The following AUTS2 variants were observed in gnomAD, a reference collection of about 807,000 sequenced individuals.
AUTS2 encodes the protein activator of transcription and developmental regulator AUTS2.
In AUTS2, 17 loss-of-function variants were observed where a neutral mutation model predicts 112.4. The ratio of observed to expected loss-of-function variants is 0.15; its 90% confidence interval spans 0.10 to 0.23. AUTS2 has a LOEUF of 0.23. Among genes scored for constraint, AUTS2 ranks in the 10% least tolerant of loss-of-function variants. AUTS2 has a pLI of 1.00. For synonymous variants in AUTS2, 751 were observed against 702.7 expected, an observed-to-expected ratio of 1.07 and a Z score of -1.09; for missense variants, 1,510 against 1,701.6, an observed-to-expected ratio of 0.89 and a Z score of 1.98.
In AUTS2 at chr7:69,807,660, C is replaced by T. The variant is rs543575239; in HGVS notation, c.310-91626C>T. Among the ~76,000 whole-genome samples, 71 of 152,228 alleles carry T rather than the reference C, an allele frequency of 4.7e-4. No individual in the cohort carries two copies. The Middle Eastern group carries it at 0.02, about 44-fold the overall frequency. On this transcript the variant is annotated intron_variant, in intron 1 of 18. Transcript: ENST00000342771. The stretch of plus-strand genomic sequence containing the variant: ...ATGTTTAGTTTCCTGGACCTGCAGC[C>T]GAAATGTTATCTGGGGCCACTGTCA...
At chr7:70,528,105 T>TTATTTTTTTTTTTTTTA (rs57847664) in intron 5 of AUTS2, among the ~76,000 whole-genome samples, 1 of 112,760 alleles carries the variant, frequency 8.9e-6, no homozygotes, top group Non-Finnish European at 2.0e-5. Flanking sequence ...TTTTTTTTTT[T>TTATTTTTTTTTTTTTTA]TTTTTTTTTT....
At chr7:69,650,626 C>T (rs1013924689) in intron 1 of AUTS2, among the ~76,000 whole-genome samples, 6 of 152,170 alleles carry the variant, frequency 3.9e-5, no homozygotes, top group Non-Finnish European at 8.8e-5. Flanking sequence ...TTAGGAATTT[C>T]GAGACAGTGA....
At chr7:70,603,922 T>A (rs193270121) in intron 5 of AUTS2, among the ~76,000 whole-genome samples, 1 of 107,164 alleles carries the variant, frequency 9.3e-6, no homozygotes, top group Non-Finnish European at 2.1e-5. Context: ...TTTCTGCCAC[T>A]CAAAAAATCA....
intron 3 of AUTS2, among the ~76,000 whole-genome samples, chr7:70,127,282 T>G (rs1312928328): frequency 6.6e-6 from 1 of 151,544 alleles, no homozygotes; most frequent in Non-Finnish European, 1.5e-5. Context: ...TATACACAAG[T>G]GCTACCATGC....
intron 4 of AUTS2, among the ~76,000 whole-genome samples, chr7:70,313,654 G>A (rs1014886142): frequency 4.6e-5 from 7 of 152,288 alleles, no homozygotes; most frequent in Admixed American, 1.3e-4. Flanking sequence ...AGATGCTCTC[G>A]TTGCTGGTTA....
At chr7:69,886,952 A>AT (rs967294176) in intron 1 of AUTS2, among the ~76,000 whole-genome samples, 14 of 151,956 alleles carry the variant, frequency 9.2e-5, no homozygotes, top group African/African-American at 3.1e-4. Context: ...TTTAAAAAAT[A>AT]TTTTTCTGGA....
chr7:69,646,354 G>T (rs1795021561), intron 1 of AUTS2, among the ~76,000 whole-genome samples: 1 of 152,154 alleles, frequency 6.6e-6, no homozygotes, highest in South Asian at 2.1e-4. Flanking sequence ...AGAGTGTGAA[G>T]ATTTTAATGG....
chr7:70,556,666 G>T (rs546069727), intron 5 of AUTS2, among the ~76,000 whole-genome samples: 2 of 152,050 alleles, frequency 1.3e-5, no homozygotes, highest in Admixed American at 6.6e-5. Flanking sequence ...TCTGTCCTTG[G>T]ATCCCTTCTC....
At chr7:70,018,415 G>A (rs1800127875) in intron 2 of AUTS2, among the ~76,000 whole-genome samples, 1 of 152,096 alleles carries the variant, frequency 6.6e-6, no homozygotes, top group East Asian at 1.9e-4. Flanking sequence ...AGGATCTAAC[G>A]ATCAACTTCA....
chr7:70,333,906 T>C (rs1350031530), intron 4 of AUTS2, among the ~76,000 whole-genome samples: 1 of 152,164 alleles, frequency 6.6e-6, no homozygotes, highest in African/African-American at 2.4e-5. Flanking sequence ...TGTATACTTA[T>C]GTAACAAACC....
intron 2 of AUTS2, among the ~76,000 whole-genome samples, chr7:69,926,799 A>AAT (rs915196019): frequency 6.8e-6 from 1 of 146,886 alleles, no homozygotes; most frequent in Non-Finnish European, 1.5e-5. Flanking sequence ...ATATATATAA[A>AAT]ATATATATAA....
intron 2 of AUTS2, among the ~76,000 whole-genome samples, chr7:70,053,400 A>AT (rs1471113442): frequency 1.3e-5 from 2 of 152,196 alleles, no homozygotes; most frequent in African/African-American, 4.8e-5. Context: ...ACCCTACCCT[A>AT]TCCCTGGGCC....
At chr7:70,053,642 T>C (rs1801862846) in intron 2 of AUTS2, among the ~76,000 whole-genome samples, 1 of 150,914 alleles carries the variant, frequency 6.6e-6, no homozygotes, top group Non-Finnish European at 1.5e-5. Flanking sequence ...AGGGCTAAAG[T>C]AATCCTTCCA....
chr7:70,058,270 G>A (rs756521636), intron 2 of AUTS2, among the ~76,000 whole-genome samples: 3 of 152,140 alleles, frequency 2.0e-5, no homozygotes, highest in Non-Finnish European at 4.4e-5. Flanking sequence ...GCTGTGTAAG[G>A]ACTTATTGGC....
At chr7:69,798,386 A>C (rs1789941060) in intron 1 of AUTS2, among the ~76,000 whole-genome samples, 1 of 152,108 alleles carries the variant, frequency 6.6e-6, no homozygotes, top group South Asian at 2.1e-4. Context: ...TAAACGTTGC[A>C]TTACCCCCTC....
rs66614263 is a variant in AUTS2, at chr7:70,768,877, C to CTT, written c.1734+824_1734+825dup. ...TTGCAAGTTTCTTTGCCAGTGATTTCTTTTTTTTTTTTTTTTAATGAAACC... is the reference window on the plus strand; with the variant it reads ...TTGCAAGTTTCTTTGCCAGTGATTTCTTTTTTTTTTTTTTTTTTAATGAAACC... On this transcript the variant is annotated intron_variant, in intron 10 of 18. Transcript: ENST00000342771. Among the ~76,000 whole-genome samples, 19 of 108,222 alleles carry CTT rather than the reference C, an allele frequency of 1.8e-4. 2 individuals are homozygous for CTT. Among genetic ancestry groups the CTT allele is most frequent in the African/African-American group, 5.3e-4 (15 of 28,326 alleles). The allele number at this position is 108,222 out of a possible 152,430, so 71.0% of individuals were successfully genotyped here.
intron 5 of AUTS2, among the ~76,000 whole-genome samples, chr7:70,683,556 A>G (rs1385208620): frequency 6.6e-6 from 1 of 152,256 alleles, no homozygotes; most frequent in Non-Finnish European, 1.5e-5. Context: ...GTGAGCCGAG[A>G]AACAACTACA....
intron 15 of AUTS2, 176 bp downstream of exon 15, chr7:70,781,932 C>A (rs1307962274): frequency 2.9e-6 from 2 of 696,644 alleles, no homozygotes; most frequent in Non-Finnish European, 2.3e-6. Context: ...TTCATTGATA[C>A]ACTCTCTTTC....
At chr7:70,277,199 A>G (rs1584962761) in intron 4 of AUTS2, among the ~76,000 whole-genome samples, 1 of 152,214 alleles carries the variant, frequency 6.6e-6, no homozygotes, top group African/African-American at 2.4e-5. Context: ...GAGAGCCTCT[A>G]TAGAGGTATT....
Sources: gnomAD v4.1 joint callset for allele counts (sites outside exome capture counted in the v4.1 genomes callset) on GRCh38, gnomAD v4.1.1 for gene constraint, MANE v1.5 for transcripts, NCBI Gene and HGNC (gene_info 2026-07-23, HGNC 2026-07-21) for gene names.